Variants in NKD1 observed in about 807,000 individuals in gnomAD.
NKD1 encodes protein naked cuticle homolog 1.
NKD1 carries 21 observed loss-of-function variants against 56.0 expected under a neutral mutation model. The ratio of observed to expected loss-of-function variants is 0.38; its 90% CI spans 0.27 to 0.54. The LOEUF is 0.54. NKD1 is among the 20% of genes least tolerant of loss of function. The pLI is 0.82. For missense variants in NKD1, 578 were observed against 642.7 expected, an observed-to-expected ratio of 0.90 and a Z score of 1.09; for synonymous variants, 263 against 265.7, an observed-to-expected ratio of 0.99 and a Z score of 0.10.
intron 3 of NKD1, among the ~76,000 whole-genome samples, chr16:50,594,783 G>A (rs1389376016): frequency 6.6e-6 from 1 of 151,432 alleles, no homozygotes; most frequent in Non-Finnish European, 1.5e-5. Flanking sequence ...CTGCTGGTGG[G>A]GAGCACATAG....
intron 3 of NKD1, among the ~76,000 whole-genome samples, chr16:50,568,807 T>TG (rs1480188572): frequency 6.6e-6 from 1 of 152,142 alleles, no homozygotes; most frequent in Non-Finnish European, 1.5e-5. Context: ...CCCCAGAGGA[T>TG]GGGACTGACC....
At chr16:50,579,411 G>C (rs112982539) in intron 3 of NKD1, among the ~76,000 whole-genome samples, 113 of 94,580 alleles carry the variant, frequency 1.2e-3, no homozygotes, top group Admixed American at 3.4e-3. Context: ...CACTGTCTTA[G>C]TCCTGCGGGC....
intron 3 of NKD1, among the ~76,000 whole-genome samples, chr16:50,560,008 G>T (rs1322094391): frequency 2.0e-5 from 3 of 152,190 alleles, no homozygotes; most frequent in African/African-American, 4.8e-5. Context: ...GAGTGGGTTT[G>T]GGGGTGCTGG....
In NKD1 at chr16:50,598,108, G is replaced by A. The variant is rs962548962; in HGVS notation, c.193-10186G>A. ...TTCTTAGAGCTATTTTGGGGACAAGGGGACAGAAGGGGCCAGGAGATGAGA... is the reference window on the plus strand; with the variant it reads ...TTCTTAGAGCTATTTTGGGGACAAGAGGACAGAAGGGGCCAGGAGATGAGA... On this transcript the variant is annotated intron_variant, in intron 3 of 9. Transcript: ENST00000268459. This position sits in a 1 kb window ranked among gnomAD's most constrained non-coding sequence, Gnocchi z 4.2. 2.0e-5 allele frequency among the ~76,000 whole-genome samples: 3 copies of A among 152,154 alleles called. No individual in the cohort carries two copies. Among genetic ancestry groups the A allele is most frequent in the Non-Finnish European group, 1.5e-5 (1 of 68,018 alleles).
chr16:50,646,280 C>T lies in NKD1; in HGVS notation c.*12499C>T, dbSNP rs997263623. The T allele has an allele frequency of 1.3e-5, 2 of 150,542 alleles. No individual in the cohort carries two copies. The highest frequency in any genetic ancestry group is 6.6e-5 in the Admixed American group (1 of 15,038). The allele number at this position is 150,542 out of a possible 1,614,324, so 9.3% of individuals were successfully genotyped here. A position where few individuals can be genotyped will look rare whatever the true frequency, so the allele number is the denominator to read the frequency against. ...GTCCTTTTCTTACCATAACTTAGAA[C>T]TTCAAAGCTGAGTGTGTGGATAATG... On this transcript the variant is annotated 3_prime_UTR_variant, in exon 10 of 10. Coordinates refer to ENST00000268459, the MANE Select transcript of NKD1 (RefSeq NM_033119.5).
In NKD1 at chr16:50,642,946, T is replaced by C. The variant is rs1305932433; in HGVS notation, c.*9165T>C. On this transcript the variant is annotated 3_prime_UTR_variant, in exon 10 of 10. Transcript: ENST00000268459. ...GACAAGCCCCTGCTGTCTCTGGCCT[T>C]CAGTACCATATTTGTATTATGAAAC... 1 of 152,264 alleles carries C rather than the reference T, an allele frequency of 6.6e-6. No homozygotes were observed. The highest frequency in any genetic ancestry group is 1.5e-5 in the Non-Finnish European group (1 of 68,076). 9.4% of individuals were successfully genotyped at this position (152,264 alleles called of 1,614,324 possible).
At chr16:50,608,470 C>A in intron 4 of NKD1, 110 bp downstream of exon 4, 2 of 766,824 alleles carry the variant, frequency 2.6e-6, no homozygotes, top group Non-Finnish European at 4.7e-6. Flanking sequence ...GAGGGCACAA[C>A]AGGGACCTTG....
chr16:50,563,211 G>A (rs1960681338), intron 3 of NKD1, among the ~76,000 whole-genome samples: 1 of 152,258 alleles, frequency 6.6e-6, no homozygotes, highest in South Asian at 2.1e-4. Flanking sequence ...AGCCCCATGA[G>A]GCTAGTGGCT....
intron 3 of NKD1, among the ~76,000 whole-genome samples, chr16:50,594,505 C>T (rs1356394478): frequency 1.3e-5 from 2 of 152,214 alleles, no homozygotes; most frequent in African/African-American, 4.8e-5. Flanking sequence ...CAGGGCAGGG[C>T]AGGCCAGTGA....
intron 4 of NKD1, among the ~76,000 whole-genome samples, chr16:50,621,165 G>A (rs1013261757): frequency 5.3e-5 from 8 of 152,282 alleles, no homozygotes; most frequent in Admixed American, 3.3e-4. Flanking sequence ...GCCGTAGGCT[G>A]TGCTCAGGTG....
At chr16:50,615,044 A>G (rs944556080) in intron 4 of NKD1, among the ~76,000 whole-genome samples, 3 of 152,130 alleles carry the variant, frequency 2.0e-5, no homozygotes, top group African/African-American at 7.2e-5. Context: ...CTGGAGTGGG[A>G]TCAGTCTCCA....
intron 3 of NKD1, among the ~76,000 whole-genome samples, chr16:50,579,264 C>T (rs951454251): frequency 4.7e-5 from 7 of 147,416 alleles, no homozygotes; most frequent in Non-Finnish European, 6.0e-5. Context: ...CCGCTACACA[C>T]GCACTCTAAC....
At chr16:50,603,371 G>A (rs1266480566) in intron 3 of NKD1, among the ~76,000 whole-genome samples, 1 of 152,166 alleles carries the variant, frequency 6.6e-6, no homozygotes, top group African/African-American at 2.4e-5. Flanking sequence ...GCCTGGCCAG[G>A]CTGCAGCCTC....
In NKD1 at chr16:50,648,556, T is replaced by G. The variant is rs898199022; in HGVS notation, c.*14775T>G. 10 of 152,128 alleles carry G rather than the reference T, an allele frequency of 6.6e-5. No individual in the cohort carries two copies. Among genetic ancestry groups the G allele is most frequent in the Non-Finnish European group, 8.8e-5 (6 of 68,046 alleles). 9.4% of individuals were successfully genotyped at this position (152,128 alleles called of 1,614,324 possible). Reference sequence around the variant, plus strand: ...TGATTGTTTTTGTGATACTGACACATCCCCCCTTTCAGAACACCCTCTGCC... The same window carrying G: ...TGATTGTTTTTGTGATACTGACACAGCCCCCCTTTCAGAACACCCTCTGCC... On this transcript the variant is annotated 3_prime_UTR_variant, in exon 10 of 10. Coordinates refer to ENST00000268459, the MANE Select transcript of NKD1 (RefSeq NM_033119.5).
chr16:50,640,036 A>G lies in NKD1; in HGVS notation c.*6255A>G, dbSNP rs914037638. ...CTTATGGGGGCCCTGTCCTTCCCCT[A>G]GTAGGGTTTGTTTTGGGGTCACATC... On this transcript the variant is annotated 3_prime_UTR_variant, in exon 10 of 10. Transcript: ENST00000268459. The G allele has an allele frequency of 6.6e-6, 1 of 152,108 alleles. No individual in the cohort carries two copies. The highest frequency in any genetic ancestry group is 2.4e-5 in the African/African-American group (1 of 41,410). The allele number at this position is 152,108 out of a possible 1,614,324, so 9.4% of individuals were successfully genotyped here.
chr16:50,549,934 TG>T (rs909457551), intron 3 of NKD1, among the ~76,000 whole-genome samples: 1 of 152,094 alleles, frequency 6.6e-6, no homozygotes, highest in Admixed American at 6.5e-5. Context: ...TAGGGGTGTC[TG>T]GGTGGAAGGC....
intron 4 of NKD1, chr16:50,616,119 A>G (rs1237754068): frequency 2.2e-6 from 1 of 455,838 alleles, no homozygotes; most frequent in South Asian, 1.5e-5. Context: ...TGCAGCAGAT[A>G]ATCTGTACGT....
At chr16:50,599,304 T>A (rs1169277956) in intron 3 of NKD1, among the ~76,000 whole-genome samples, 7 of 152,152 alleles carry the variant, frequency 4.6e-5, no homozygotes, top group Admixed American at 4.6e-4. Flanking sequence ...TACTCTCCAT[T>A]CCTCTCACAA....
intron 3 of NKD1, among the ~76,000 whole-genome samples, chr16:50,578,648 G>A (rs1961041845): frequency 6.6e-6 from 1 of 152,208 alleles, no homozygotes; most frequent in Non-Finnish European, 1.5e-5. Context: ...TCATATTGCA[G>A]TGTCTGTCAG....
Sources: allele counts gnomAD v4.1 joint callset (sites outside exome capture counted in the v4.1 genomes callset), GRCh38; gene constraint gnomAD v4.1.1; non-coding constraint Gnocchi (gnomAD v3.1); transcripts MANE v1.5; gene names NCBI Gene and HGNC (gene_info 2026-07-23, HGNC 2026-07-21).